RBPMS: variants seen among roughly 807,000 people sequenced by gnomAD.
RBPMS encodes the protein RNA-binding protein with multiple splicing.
Under a neutral mutation model 26.8 loss-of-function variants are expected in RBPMS, and 7 were observed. That is an observed-to-expected ratio of 0.26 (90% CI 0.15 to 0.49). The LOEUF (loss-of-function observed/expected upper bound fraction) is 0.49, where lower values mean the gene tolerates loss of function less well. RBPMS is among the 20% of genes least tolerant of loss of function. The pLI is 0.98. For synonymous variants in RBPMS, 96 were observed against 93.3 expected, an observed-to-expected ratio of 1.03 and a Z score of -0.17; for missense variants, 186 against 250.0, an observed-to-expected ratio of 0.74 and a Z score of 1.73.
intron 1 of RBPMS, among the ~76,000 whole-genome samples, chr8:30,435,147 TCAGTCAAACACAGTCAAAACTTTG>T (rs1404593878): frequency 6.6e-6 from 1 of 152,166 alleles, no homozygotes; most frequent in Non-Finnish European, 1.5e-5. Flanking sequence ...ACCCTATGTG[TCAGTCAAACACAGTCAAAACTTTG>T]CAGTCAAAAC....
chr8:30,561,854 T>A (rs1256901751), intron 7 of RBPMS: 28 of 985,238 alleles, frequency 2.8e-5, no homozygotes, highest in Non-Finnish European at 3.3e-5. Context: ...AGACATCCAT[T>A]GTGAAGCAGT....
At chr8:30,532,461 G>T (rs568676268) in intron 5 of RBPMS, among the ~76,000 whole-genome samples, 2 of 152,230 alleles carry the variant, frequency 1.3e-5, no homozygotes, top group East Asian at 1.9e-4. Context: ...TGTCAAATTC[G>T]CATTCAGTTT....
chr8:30,525,668 C>T (rs141764444), intron 5 of RBPMS, among the ~76,000 whole-genome samples: 1 of 152,310 alleles, frequency 6.6e-6, no homozygotes, highest in Non-Finnish European at 1.5e-5. Flanking sequence ...TCAGTAATGA[C>T]GTTTTAGGTC....
chr8:30,395,461 C>CAAAAAAAAAAAAAA (rs55914538), intron 1 of RBPMS, among the ~76,000 whole-genome samples: 1 of 43,804 alleles, frequency 2.3e-5, no homozygotes, highest in Admixed American at 3.4e-4. Flanking sequence ...GACTCTGTCT[C>CAAAAAAAAAAAAAA]AAAAAAAAAA....
rs763256314 is a variant in RBPMS, at chr8:30,385,280, A to G, written c.66+122A>G. ...CAGGCATGGCCCGTGCCCCGGACGC[A>G]GCCCCACAGTGTGGCCCGGGGAGGG... is the stretch of plus-strand genomic sequence containing the variant. On this transcript the variant is annotated intron_variant, in intron 1 of 8. Coordinates refer to ENST00000397323, the MANE Select transcript of RBPMS (RefSeq NM_001008710.3). The G allele has an allele frequency of 9.7e-4, 596 of 616,914 alleles. 1 individual carries two copies. The highest frequency in any genetic ancestry group is 2.8e-3 in the South Asian group (67 of 24,156). 38.2% of individuals were successfully genotyped at this position (616,914 alleles called of 1,614,324 possible).
chr8:30,487,110 A>G (rs188329705), intron 4 of RBPMS, among the ~76,000 whole-genome samples: 31 of 152,352 alleles, frequency 2.0e-4, no homozygotes, highest in Non-Finnish European at 4.1e-4. Context: ...TTTGGCTGCT[A>G]AGATGCCAAG....
intron 6 of RBPMS, chr8:30,555,996 C>T (rs1826869444): frequency 1.0e-6 from 1 of 985,302 alleles, no homozygotes; most frequent in African/African-American, 1.7e-5. Flanking sequence ...GGATGAGCCG[C>T]TCAGACTTGG....
intron 6 of RBPMS, among the ~76,000 whole-genome samples, chr8:30,549,772 T>TTCTC (rs1181705539): frequency 0.037 from 2,660 of 71,174 alleles, 92 homozygotes; most frequent in Non-Finnish European, 0.042. Flanking sequence ...TTTTCTTTTC[T>TTCTC]TCTCTCTCTC....
chr8:30,569,259 T>TAA (rs1301482620), intron 8 of RBPMS, among the ~76,000 whole-genome samples: 1 of 152,158 alleles, frequency 6.6e-6, no homozygotes, highest in Admixed American at 6.5e-5. Flanking sequence ...TCCTACAGTC[T>TAA]AAGTGTCTGA....
intron 1 of RBPMS, among the ~76,000 whole-genome samples, chr8:30,443,127 C>T (rs941092414): frequency 6.6e-6 from 1 of 152,176 alleles, no homozygotes; most frequent in African/African-American, 2.4e-5. Flanking sequence ...ACCTCAAGCC[C>T]TGCAGCTTCT....
chr8:30,464,422 C>T (rs1317064210), intron 1 of RBPMS, among the ~76,000 whole-genome samples: 1 of 152,120 alleles, frequency 6.6e-6, no homozygotes, highest in Non-Finnish European at 1.5e-5. Context: ...AAACCTCCCC[C>T]CACCCCAGCT....
In RBPMS at chr8:30,549,892, C is replaced by T. The variant is rs375605623; in HGVS notation, c.528+5268C>T. Among the ~76,000 whole-genome samples the T allele has an allele frequency of 2.7e-5, 4 of 150,418 alleles. No individual in the cohort carries two copies. In the East Asian group the frequency reaches 7.8e-4, roughly 29 times the overall value. On this transcript the variant is annotated intron_variant, in intron 6 of 8. Coordinates refer to ENST00000397323, the MANE Select transcript of RBPMS (RefSeq NM_001008710.3). ...CTGAGGCAGAGTCTCGCTCTGTCGC[C>T]CAGGCTGGAGTGCAGTGGTGTGATC...
chr8:30,511,152 TA>T (rs1821548191), intron 5 of RBPMS, among the ~76,000 whole-genome samples: 1 of 150,568 alleles, frequency 6.6e-6, no homozygotes, highest in Non-Finnish European at 1.5e-5. Context: ...CCGCCTCTAC[TA>T]AAAATACAAA....
chr8:30,457,779 T>A (rs1280940776), intron 1 of RBPMS, among the ~76,000 whole-genome samples: 1 of 152,050 alleles, frequency 6.6e-6, no homozygotes, highest in Non-Finnish European at 1.5e-5. Flanking sequence ...GGTTTCACCA[T>A]TTTGGTCAGG....
chr8:30,561,735 AGAC>A (rs1379693644), intron 7 of RBPMS, among the ~76,000 whole-genome samples: 2 of 152,200 alleles, frequency 1.3e-5, no homozygotes, highest in Admixed American at 6.5e-5. Flanking sequence ...TGGTGAGAGA[AGAC>A]CTTCAACTTG....
At chr8:30,449,649 G>A (rs900075872) in intron 1 of RBPMS, among the ~76,000 whole-genome samples, 3 of 152,172 alleles carry the variant, frequency 2.0e-5, no homozygotes, top group Admixed American at 6.5e-5. Context: ...GGGATTACAG[G>A]CATGAACCAC....
At chr8:30,409,294 A>C (rs182350481) in intron 1 of RBPMS, among the ~76,000 whole-genome samples, 218 of 152,054 alleles carry the variant, frequency 1.4e-3, no homozygotes, top group Non-Finnish European at 2.3e-3. Context: ...CCTGGGTTCA[A>C]GCAATTCTAC....
At chr8:30,558,398 C>G (rs1365991760) in intron 6 of RBPMS, 1 of 193,626 alleles carries the variant, frequency 5.2e-6, no homozygotes, top group African/African-American at 2.3e-5. Flanking sequence ...AAGCTGGAAC[C>G]CTTTTTTTAA....
chr8:30,392,326 GA>G (rs1445318649), intron 1 of RBPMS, among the ~76,000 whole-genome samples: 2 of 152,238 alleles, frequency 1.3e-5, no homozygotes, highest in South Asian at 4.1e-4. Flanking sequence ...GCTAGGCAAG[GA>G]AATCGCTCTG....
Sources: gnomAD v4.1 joint callset for allele counts (sites outside exome capture counted in the v4.1 genomes callset) on GRCh38, gnomAD v4.1.1 for gene constraint, MANE v1.5 for transcripts, NCBI Gene and HGNC (gene_info 2026-07-23, HGNC 2026-07-21) for gene names.